The following RPA3 variants were observed in gnomAD, a reference collection of about 807,000 sequenced individuals.
RPA3 encodes replication protein A3.
A neutral mutation model predicts 13.7 loss-of-function variants in RPA3; 24 were observed. That is an observed-to-expected ratio of 1.75 (90% confidence interval 1.27 to 2.46). RPA3 has a LOEUF of 2.46. Among genes scored for constraint, RPA3 ranks in the 30% most tolerant of loss-of-function variants. The pLI is 0.00. For synonymous variants in RPA3, 59 were observed against 51.2 expected (o/e 1.15, Z -0.65); for missense variants, 183 against 151.0 (o/e 1.21, Z -1.11).
chr7:7,656,671 A>C (rs1785351344), intron 4 of RPA3, among the ~76,000 whole-genome samples: 1 of 152,156 alleles, frequency 6.6e-6, no homozygotes, highest in African/African-American at 2.4e-5. Flanking sequence ...GCTGTATACT[A>C]TTCCATGGTG....
At chr7:7,639,041 A>G (rs766129360) in intron 6 of RPA3, 29 bp downstream of exon 6, 16 of 1,539,694 alleles carry the variant, frequency 1.0e-5, no homozygotes, top group Admixed American at 7.6e-5. Context: ...ACTATAATAT[A>G]TAAGAGACTT....
intron 4 of RPA3, among the ~76,000 whole-genome samples, chr7:7,648,177 G>A (rs1253913146): frequency 2.6e-5 from 4 of 152,150 alleles, no homozygotes; most frequent in African/African-American, 4.8e-5. Context: ...TTCTAAATCA[G>A]GAGATTTCCA....
chr7:7,654,042 A>T (rs1785286000), intron 4 of RPA3, among the ~76,000 whole-genome samples: 1 of 152,182 alleles, frequency 6.6e-6, no homozygotes, highest in Admixed American at 6.5e-5. Flanking sequence ...TGTTTTTCAT[A>T]TTGTGAATAA....
At chr7:7,649,197 A>G (rs568401011) in intron 4 of RPA3, among the ~76,000 whole-genome samples, 5 of 152,126 alleles carry the variant, frequency 3.3e-5, no homozygotes, top group African/African-American at 1.2e-4. Context: ...AAAGAATAAA[A>G]AAGGAAAGGA....
intron 4 of RPA3, among the ~76,000 whole-genome samples, chr7:7,648,710 C>A (rs1394382059): frequency 6.6e-6 from 1 of 151,636 alleles, no homozygotes; most frequent in African/African-American, 2.4e-5. Flanking sequence ...AATTAGCTGG[C>A]CATGGTGGTG....
At chr7:7,662,598 T>G (rs538580872) in intron 4 of RPA3, among the ~76,000 whole-genome samples, 3 of 152,194 alleles carry the variant, frequency 2.0e-5, no homozygotes, top group African/African-American at 7.2e-5. Context: ...GCCTCCTGGG[T>G]GAGGCGACAC....
chr7:7,673,366 G>C, intron 4 of RPA3: 1 of 1,080,780 alleles, frequency 9.3e-7, no homozygotes, highest in Non-Finnish European at 1.3e-6. Context: ...AGCAGCAGCA[G>C]CAGCAATGTT....
intron 4 of RPA3, among the ~76,000 whole-genome samples, chr7:7,652,012 C>T (rs912558997): frequency 7.2e-5 from 11 of 152,116 alleles, no homozygotes; most frequent in African/African-American, 2.4e-4. Flanking sequence ...GGGAGAAGAT[C>T]TTGTCAGGGA....
chr7:7,672,759 A>G (rs984415416), intron 4 of RPA3, among the ~76,000 whole-genome samples: 2 of 152,164 alleles, frequency 1.3e-5, no homozygotes, highest in African/African-American at 4.8e-5. Flanking sequence ...TCCTTTCTTT[A>G]TAAATCACTC....
intron 2 of RPA3, among the ~76,000 whole-genome samples, chr7:7,691,034 G>A (rs1780161600): frequency 6.6e-6 from 1 of 152,144 alleles, no homozygotes; most frequent in Non-Finnish European, 1.5e-5. Flanking sequence ...AGCTCAGCAT[G>A]GTACAAACCT....
chr7:7,673,492 T>C lies in RPA3; in HGVS notation c.-758+12338A>G, dbSNP rs528411591. On this transcript the variant is annotated intron_variant, in intron 4 of 7. Transcript: ENST00000223129. ...AGAAACAAAATAATTAGATGAATTATGTTCTCTTTAAAAAATTACTTGAAA... is the reference window on the plus strand; with the variant it reads ...AGAAACAAAATAATTAGATGAATTACGTTCTCTTTAAAAAATTACTTGAAA... The C allele has an allele frequency of 8.7e-4, 604 of 697,144 alleles. 8 individuals are homozygous for C. The South Asian group carries it at 9.4e-3, about 11-fold the overall frequency. 43.2% of individuals were successfully genotyped at this position (697,144 alleles called of 1,614,324 possible).
rs530688898 is a variant in RPA3, at chr7:7,688,230, G to T, written c.-1027-902C>A. On this transcript the variant is annotated intron_variant, in intron 2 of 7. Transcript: ENST00000223129. ...GAATTACTTTTTTAGATGTTGCTTT[G>T]GTTTACTAGCTCCTTGGGCTGTGAT... Among the ~76,000 whole-genome samples the T allele has an allele frequency of 2.6e-5, 4 of 152,182 alleles. 1 individual carries two copies. The highest frequency in any genetic ancestry group is 9.6e-5 in the African/African-American group (4 of 41,516).
intron 4 of RPA3, among the ~76,000 whole-genome samples, chr7:7,643,649 T>C (rs1460610243): frequency 6.6e-6 from 1 of 151,238 alleles, no homozygotes; most frequent in African/African-American, 2.4e-5. Context: ...GAGGCGGAGC[T>C]TGCAGTGAGC....
chr7:7,707,349 C>T (rs952719682), intron 2 of RPA3, among the ~76,000 whole-genome samples: 23 of 152,090 alleles, frequency 1.5e-4, no homozygotes, highest in Admixed American at 3.3e-4. Context: ...TTTGTAACTA[C>T]GGTACTTTTT....
chr7:7,640,376 C>T lies in RPA3; in HGVS notation c.43G>A (p.Gly15Ser). The T allele has an allele frequency of 6.2e-7, 1 of 1,614,092 alleles. No individual in the cohort carries two copies. The highest frequency in any genetic ancestry group is 8.5e-7 in the Non-Finnish European group (1 of 1,180,032). Residue 15 changes from glycine (G) to serine (S), a missense_variant, in exon 5 of 8, where the codon GGC (glycine) becomes AGC (serine). Coordinates refer to ENST00000223129, the MANE Select transcript of RPA3 (RefSeq NM_002947.5). Reference sequence around the variant, plus strand: ...TTGTCGATGAATTGAGCTAGCATGCCGGCGTTGATGCGCGACCTGGGCAAG... The same window carrying T: ...TTGTCGATGAATTGAGCTAGCATGCTGGCGTTGATGCGCGACCTGGGCAAG... The part of the protein sequence containing the change: ...MDLPRSRINA[G>S]MLAQFIDKPV...
chr7:7,639,203 A>G (rs533122845), intron 5 of RPA3, 59 bp from the exon 6 acceptor site: 2 of 1,304,734 alleles, frequency 1.5e-6, no homozygotes, highest in African/African-American at 2.9e-5. Context: ...TTGACTAAAG[A>G]TGAGTACATT....
At chr7:7,713,150 A>G (rs1780809122) in intron 2 of RPA3, among the ~76,000 whole-genome samples, 1 of 152,096 alleles carries the variant, frequency 6.6e-6, no homozygotes, top group African/African-American at 2.4e-5. Flanking sequence ...CAGCCTGACC[A>G]ACATGGTGAA....
At chr7:7,707,999 G>A (rs1018535585) in intron 2 of RPA3, among the ~76,000 whole-genome samples, 1 of 151,978 alleles carries the variant, frequency 6.6e-6, no homozygotes, top group Non-Finnish European at 1.5e-5. Flanking sequence ...TTTTTAATGC[G>A]GCTCCTCCTG....
intron 2 of RPA3, among the ~76,000 whole-genome samples, chr7:7,706,066 A>C (rs1198428908): frequency 1.3e-5 from 2 of 152,202 alleles, no homozygotes; most frequent in Non-Finnish European, 2.9e-5. Context: ...TATTCCCTAG[A>C]ATAAATTATG....
Sources: gnomAD v4.1 joint callset for allele counts (sites outside exome capture counted in the v4.1 genomes callset) on GRCh38, gnomAD v4.1.1 for gene constraint, MANE v1.5 for transcripts, NCBI Gene and HGNC (gene_info 2026-07-23, HGNC 2026-07-21) for gene names.